The following SGCZ variants were observed in gnomAD, a reference collection of about 807,000 sequenced individuals.
The protein encoded by SGCZ is sarcoglycan zeta.
SGCZ carries 40 observed loss-of-function variants against 41.3 expected under a neutral mutation model. The ratio of observed to expected loss-of-function variants is 0.97; its 90% CI spans 0.75 to 1.26. The LOEUF is 1.26. Ranked by LOEUF, SGCZ falls within the 50% of genes most tolerant of loss-of-function variation. SGCZ has a pLI of 0.00. For synonymous variants in SGCZ, 206 were observed against 137.5 expected, an observed-to-expected ratio of 1.50 and a Z score of -3.49; for missense variants, 552 against 369.8, an observed-to-expected ratio of 1.49 and a Z score of -4.04.
intron 5 of SGCZ, among the ~76,000 whole-genome samples, chr8:14,116,140 C>T (rs1802514751): frequency 6.6e-6 from 1 of 151,974 alleles, no homozygotes; most frequent in Non-Finnish European, 1.5e-5. Context: ...TCTTTGGGGG[C>T]TTCAAATATT....
chr8:14,489,428 T>C (rs1801776593), intron 2 of SGCZ, among the ~76,000 whole-genome samples: 1 of 151,800 alleles, frequency 6.6e-6, no homozygotes, highest in African/African-American at 2.4e-5. Context: ...TTTTACCAAA[T>C]AGATTGACTT....
chr8:14,362,876 T>C (rs995927475), intron 2 of SGCZ, among the ~76,000 whole-genome samples: 4 of 152,212 alleles, frequency 2.6e-5, no homozygotes, highest in Non-Finnish European at 4.4e-5. Flanking sequence ...TCTACATATA[T>C]ATGCAAATAT....
chr8:15,064,882 TTTCGG>T (rs1805070808), intron 1 of SGCZ, among the ~76,000 whole-genome samples: 2 of 152,108 alleles, frequency 1.3e-5, no homozygotes, highest in Admixed American at 6.5e-5. Flanking sequence ...ACCCCTGGCG[TTTCGG>T]TTGGCTCTTT....
intron 2 of SGCZ, among the ~76,000 whole-genome samples, chr8:14,529,653 G>A (rs941852841): frequency 6.6e-6 from 1 of 151,972 alleles, no homozygotes; most frequent in African/African-American, 2.4e-5. Flanking sequence ...CCCTAGTTTT[G>A]CCCTAATATT....
At chr8:14,315,541 C>A (rs1271946689) in intron 3 of SGCZ, among the ~76,000 whole-genome samples, 1 of 151,826 alleles carries the variant, frequency 6.6e-6, no homozygotes, top group Non-Finnish European at 1.5e-5. Context: ...ATAGTAACTC[C>A]CTTTTACAAC....
intron 3 of SGCZ, among the ~76,000 whole-genome samples, chr8:14,259,632 G>A (rs1336150537): frequency 8.3e-5 from 11 of 133,268 alleles, no homozygotes; most frequent in Admixed American, 1.5e-4. Flanking sequence ...GATATGCGGC[G>A]TTATTTCTGA....
At chr8:14,968,303 G>T (rs892794532) in intron 1 of SGCZ, among the ~76,000 whole-genome samples, 1 of 152,046 alleles carries the variant, frequency 6.6e-6, no homozygotes, top group Non-Finnish European at 1.5e-5. Flanking sequence ...AAAATCACTT[G>T]AACAGACCCT....
intron 1 of SGCZ, among the ~76,000 whole-genome samples, chr8:15,206,862 C>G (rs1302140687): frequency 2.6e-5 from 4 of 151,740 alleles, no homozygotes; most frequent in African/African-American, 9.7e-5. Context: ...TGAATTTGAC[C>G]TTAGTATGCA....
rs557124200 is a variant in SGCZ at position 14,955,126 on chromosome 8, C to T, written c.39+282459G>A. Among the ~76,000 whole-genome samples, 14 of 151,744 alleles carry T rather than the reference C, an allele frequency of 9.2e-5. No homozygotes were observed. The South Asian group carries it at 2.5e-3, about 27-fold the overall frequency. The stretch of plus-strand genomic sequence containing the variant: ...AGTAATAATCATTCCCTTTATTTTC[C>T]TTGTAGTTTTATTGGCCATGCATCC... On this transcript the variant is annotated intron_variant, in intron 1 of 7. Coordinates refer to ENST00000382080, the MANE Select transcript of SGCZ (RefSeq NM_139167.4).
chr8:14,272,454 G>A (rs775645099), intron 3 of SGCZ, among the ~76,000 whole-genome samples: 11 of 152,200 alleles, frequency 7.2e-5, no homozygotes, highest in Admixed American at 2.6e-4. Context: ...AGAAGTAAAA[G>A]TCCTGACTGG....
intron 1 of SGCZ, among the ~76,000 whole-genome samples, chr8:14,736,659 AT>A (rs1413243598): frequency 2.6e-5 from 4 of 151,910 alleles, no homozygotes; most frequent in Admixed American, 2.6e-4. Context: ...CCCAGAGTCC[AT>A]TGTGTCATTC....
At chr8:14,868,841 G>A (rs1309178218) in intron 1 of SGCZ, among the ~76,000 whole-genome samples, 1 of 152,014 alleles carries the variant, frequency 6.6e-6, no homozygotes, top group African/African-American at 2.4e-5. Flanking sequence ...AAATCTAGAA[G>A]AAATGGATAA....
intron 1 of SGCZ, among the ~76,000 whole-genome samples, chr8:15,010,892 A>G (rs1404705673): frequency 6.6e-6 from 1 of 152,160 alleles, no homozygotes; most frequent in African/African-American, 2.4e-5. Context: ...CTCCCTATAC[A>G]TTGTAATCCT....
At chr8:14,493,355 C>CTTTTTTTTTTTTTTTTTTTTTTT (rs1563365484) in intron 2 of SGCZ, among the ~76,000 whole-genome samples, 1 of 66,242 alleles carries the variant, frequency 1.5e-5, no homozygotes, top group African/African-American at 6.0e-5. Flanking sequence ...CACTATCATC[C>CTTTTTTTTTTTTTTTTTTTTTTT]TTTCTTTTTT....
intron 1 of SGCZ, among the ~76,000 whole-genome samples, chr8:14,692,705 C>A (rs1417777457): frequency 6.6e-6 from 1 of 152,048 alleles, no homozygotes; most frequent in African/African-American, 2.4e-5. Context: ...CTTAAAAGTT[C>A]CACCTAAATT....
intron 1 of SGCZ, among the ~76,000 whole-genome samples, chr8:14,949,828 T>C (rs1403090923): frequency 1.3e-5 from 2 of 152,132 alleles, no homozygotes; most frequent in African/African-American, 2.4e-5. Flanking sequence ...TAAAGGTTTA[T>C]AGTCAATATA....
chr8:14,117,954 G>A (rs915519956), intron 5 of SGCZ, among the ~76,000 whole-genome samples: 2 of 145,396 alleles, frequency 1.4e-5, no homozygotes, highest in African/African-American at 2.5e-5. Context: ...TGGTTTATAT[G>A]TGCCACATTT....
At chr8:14,137,284 G>A (rs549525435) in intron 5 of SGCZ, among the ~76,000 whole-genome samples, 42 of 152,330 alleles carry the variant, frequency 2.8e-4, no homozygotes, top group African/African-American at 8.9e-4. Context: ...TCCAAAGATC[G>A]CAGCTCCTCG....
At chr8:14,391,132 G>A (rs1009803166) in intron 2 of SGCZ, among the ~76,000 whole-genome samples, 2 of 152,192 alleles carry the variant, frequency 1.3e-5, no homozygotes, top group Non-Finnish European at 2.9e-5. Context: ...CCTTAATTAA[G>A]GCTCTAGGGG....
Sources: allele counts gnomAD v4.1 joint callset (sites outside exome capture counted in the v4.1 genomes callset), GRCh38; gene constraint gnomAD v4.1.1; transcripts MANE v1.5; gene names NCBI Gene and HGNC (gene_info 2026-07-23, HGNC 2026-07-21).